The following IGSF21 variants were observed in gnomAD, a reference collection of about 807,000 sequenced individuals.
IGSF21 encodes the protein immunoglobulin superfamily member 21.
In IGSF21, 28 loss-of-function variants were observed where a neutral mutation model predicts 46.8. The ratio of observed to expected loss-of-function variants is 0.60; its 90% CI spans 0.44 to 0.82. The LOEUF is 0.82. IGSF21 is among the 40% of genes least tolerant of loss of function. The pLI, the probability that IGSF21 is intolerant of heterozygous loss-of-function variation, is 0.00. For missense variants in IGSF21, 624 were observed against 665.5 expected, an observed-to-expected ratio of 0.94 and a Z score of 0.69; for synonymous variants, 284 against 273.6, an observed-to-expected ratio of 1.04 and a Z score of -0.38.
At chr1:18,209,406 AG>A (rs1315624248) in intron 1 of IGSF21, among the ~76,000 whole-genome samples, 1 of 151,974 alleles carries the variant, frequency 6.6e-6, no homozygotes, top group Non-Finnish European at 1.5e-5. Context: ...ACCTGGGCCC[AG>A]GGCCTACCCA....
intron 2 of IGSF21, among the ~76,000 whole-genome samples, chr1:18,234,309 T>C (rs1569591409): frequency 6.6e-6 from 1 of 152,152 alleles, no homozygotes. Context: ...AGGTTCTCCC[T>C]GATGAGGTAT....
intron 1 of IGSF21, among the ~76,000 whole-genome samples, chr1:18,158,084 AG>A (rs1198859910): frequency 6.6e-6 from 1 of 152,132 alleles, no homozygotes; most frequent in East Asian, 1.9e-4. Flanking sequence ...TCTTTCCCTA[AG>A]GGCAAGCTCA....
intron 2 of IGSF21, among the ~76,000 whole-genome samples, chr1:18,254,207 G>A (rs377461864): frequency 1.3e-5 from 2 of 151,248 alleles, no homozygotes; most frequent in African/African-American, 2.5e-5. Context: ...CTTAACCCCA[G>A]GCTGAGAAGT....
In IGSF21 at chr1:18,335,077, G is replaced by A; in HGVS notation, c.424+67G>A. On this transcript the variant is annotated intron_variant, in intron 4 of 9. Coordinates refer to ENST00000251296, the MANE Select transcript of IGSF21 (RefSeq NM_032880.5). The surrounding 1 kb of genome is among the most constrained non-coding windows in gnomAD (Gnocchi z 4.8). ...GACGAGTATGCTTGAGTGTGTGAAT[G>A]TGCGCACAGAGTGGCCATCCTGGGG... 1 of 1,262,468 alleles carries A rather than the reference G, an allele frequency of 7.9e-7. No homozygotes were observed. The highest frequency in any genetic ancestry group is 1.2e-6 in the Non-Finnish European group (1 of 862,862). The allele number at this position is 1,262,468 out of a possible 1,614,324, so 78.2% of individuals were successfully genotyped here.
At chr1:18,209,005 TG>T (rs1229199950) in intron 1 of IGSF21, among the ~76,000 whole-genome samples, 1 of 151,960 alleles carries the variant, frequency 6.6e-6, no homozygotes, top group Non-Finnish European at 1.5e-5. Flanking sequence ...GAAGTTATCG[TG>T]GGGGTGAAGG....
chr1:18,203,656 C>T (rs1490124117), intron 1 of IGSF21, among the ~76,000 whole-genome samples: 1 of 152,066 alleles, frequency 6.6e-6, no homozygotes, highest in Non-Finnish European at 1.5e-5. Context: ...GTTTGTATAT[C>T]CTTGAATCTG....
chr1:18,339,193 G>T (rs943308770), intron 4 of IGSF21, among the ~76,000 whole-genome samples: 1 of 152,226 alleles, frequency 6.6e-6, no homozygotes, highest in Non-Finnish European at 1.5e-5. Context: ...CGGAGCAGAG[G>T]CTCCGAGAGT....
chr1:18,189,447 A>G (rs1055820657), intron 1 of IGSF21, among the ~76,000 whole-genome samples: 10 of 152,184 alleles, frequency 6.6e-5, no homozygotes, highest in Non-Finnish European at 1.5e-4. Flanking sequence ...CGAAGGTTTC[A>G]GGATAATTAA....
intron 1 of IGSF21, among the ~76,000 whole-genome samples, chr1:18,184,600 C>T (rs1008556114): frequency 5.3e-5 from 8 of 152,166 alleles, no homozygotes; most frequent in Non-Finnish European, 1.2e-4. Context: ...GAGGGTGCAC[C>T]AAGCTGCCCC....
At position 18,329,026 on chromosome 1, in the gene IGSF21, T is replaced by C. The variant is rs1398437767; in HGVS notation, c.306-5866T>C. Among the ~76,000 whole-genome samples the C allele has an allele frequency of 3.9e-5, 6 of 152,194 alleles. No homozygotes were observed. In the East Asian group the frequency reaches 1.2e-3, roughly 29 times the overall value. On this transcript the variant is annotated intron_variant, in intron 3 of 9. Coordinates refer to ENST00000251296, the MANE Select transcript of IGSF21 (RefSeq NM_032880.5). ...TTTCTTCCAGCAGGGAGAAAACATA[T>C]GGCTCTCATTACCTAGAGAGGTGGC...
At chr1:18,237,174 A>T (rs1055902657) in intron 2 of IGSF21, among the ~76,000 whole-genome samples, 3 of 152,214 alleles carry the variant, frequency 2.0e-5, no homozygotes, top group African/African-American at 7.2e-5. Flanking sequence ...AGAATGTGAA[A>T]GTGGCAGCCG....
At chr1:18,224,534 T>C (rs1007038167) in intron 1 of IGSF21, among the ~76,000 whole-genome samples, 1 of 152,214 alleles carries the variant, frequency 6.6e-6, no homozygotes, top group African/African-American at 2.4e-5. Context: ...TATTTGATTA[T>C]GGGCTCTTCT....
intron 6 of IGSF21, among the ~76,000 whole-genome samples, chr1:18,370,391 T>C (rs546918283): frequency 6.6e-6 from 1 of 152,040 alleles, no homozygotes; most frequent in African/African-American, 2.4e-5. Flanking sequence ...CTGAAACAAA[T>C]GAATAGGCAT....
chr1:18,292,805 G>A (rs912529000), intron 3 of IGSF21, among the ~76,000 whole-genome samples: 11 of 152,178 alleles, frequency 7.2e-5, no homozygotes, highest in African/African-American at 2.7e-4. Flanking sequence ...ATCCCCCAAA[G>A]CTGGTCGGCT....
At chr1:18,219,212 A>G (rs1023711131) in intron 1 of IGSF21, among the ~76,000 whole-genome samples, 2 of 152,324 alleles carry the variant, frequency 1.3e-5, no homozygotes, top group South Asian at 2.1e-4. Context: ...TGCTATTTAC[A>G]TGGGGTAGTC....
In IGSF21 at chr1:18,322,179, T is replaced by C. The variant is rs78167943; in HGVS notation, c.306-12713T>C. Among the ~76,000 whole-genome samples the C allele has an allele frequency of 2.3e-4, 35 of 152,284 alleles. No individual in the cohort carries two copies. In the East Asian group the frequency reaches 6.6e-3, roughly 29 times the overall value. On this transcript the variant is annotated intron_variant, in intron 3 of 9. Transcript: ENST00000251296. This position sits in a 1 kb window ranked among gnomAD's most constrained non-coding sequence, Gnocchi z 4.3. ...GGTCTCGCACACAGGAGGTGCTCAG[T>C]GAACCTCTCACTGGTACACTGATGA...
At chr1:18,348,114 A>G (rs2085913566) in intron 4 of IGSF21, among the ~76,000 whole-genome samples, 1 of 152,216 alleles carries the variant, frequency 6.6e-6, no homozygotes. Flanking sequence ...TCTTATTTTA[A>G]TAAATGAAGA....
intron 1 of IGSF21, among the ~76,000 whole-genome samples, chr1:18,181,971 C>T (rs1478770537): frequency 1.3e-5 from 2 of 152,164 alleles, no homozygotes; most frequent in African/African-American, 4.8e-5. Flanking sequence ...CCAGAGTTGT[C>T]CAGCTAGGAA....
intron 1 of IGSF21, among the ~76,000 whole-genome samples, chr1:18,143,278 T>C (rs897499): frequency 0.6 from 91,530 of 151,960 alleles, 28,255 homozygotes; most frequent in East Asian, 0.81. Flanking sequence ...TTCTGTGTGC[T>C]ATCCCCCACC....
Sources: allele counts gnomAD v4.1 joint callset (sites outside exome capture counted in the v4.1 genomes callset), GRCh38; gene constraint gnomAD v4.1.1; non-coding constraint Gnocchi (gnomAD v3.1); transcripts MANE v1.5; gene names NCBI Gene and HGNC (gene_info 2026-07-23, HGNC 2026-07-21).